Variants in MAGI1 observed in about 807,000 individuals in gnomAD.
The protein encoded by MAGI1 is membrane associated guanylate kinase, WW and PDZ domain containing 1.
MAGI1 carries 58 observed loss-of-function variants against 139.9 expected under a neutral mutation model. The observed-to-expected ratio is 0.41, with a 90% CI of 0.34 to 0.52. The LOEUF (loss-of-function observed/expected upper bound fraction) is 0.52, where lower values mean the gene tolerates loss of function less well. Among genes scored for constraint, MAGI1 ranks in the 20% least tolerant of loss-of-function variants. MAGI1 has a pLI of 0.12. For missense variants in MAGI1, 1,874 were observed against 1,901.6 expected, an observed-to-expected ratio of 0.99 and a Z score of 0.27; for synonymous variants, 812 against 737.9, an observed-to-expected ratio of 1.10 and a Z score of -1.63.
intron 2 of MAGI1, among the ~76,000 whole-genome samples, chr3:65,538,608 T>C (rs1208394099): frequency 6.6e-6 from 1 of 152,096 alleles, no homozygotes; most frequent in Non-Finnish European, 1.5e-5. Context: ...AAAAGAAGCC[T>C]GTAATTGAGC....
At chr3:65,639,313 T>C (rs1367208093) in intron 1 of MAGI1, among the ~76,000 whole-genome samples, 1 of 152,210 alleles carries the variant, frequency 6.6e-6, no homozygotes, top group Non-Finnish European at 1.5e-5. Flanking sequence ...AAATGTTCTA[T>C]GTTGAAATGA....
chr3:65,491,088 A>G (rs973714713), intron 3 of MAGI1, among the ~76,000 whole-genome samples: 1 of 152,104 alleles, frequency 6.6e-6, no homozygotes, highest in Non-Finnish European at 1.5e-5. Flanking sequence ...TACACCAGGA[A>G]GTTAGCTTCA....
At chr3:65,735,826 G>A (rs1482541356) in intron 1 of MAGI1, among the ~76,000 whole-genome samples, 2 of 152,118 alleles carry the variant, frequency 1.3e-5, no homozygotes, top group Non-Finnish European at 2.9e-5. Context: ...GTCCGCTGCC[G>A]CTCATTAAAT....
At chr3:66,020,126 CCT>C (rs1353774939) in intron 1 of MAGI1, among the ~76,000 whole-genome samples, 2 of 152,172 alleles carry the variant, frequency 1.3e-5, no homozygotes, top group Non-Finnish European at 2.9e-5. Flanking sequence ...CCCGTTTGCC[CCT>C]GTTATCCATC....
intron 1 of MAGI1, among the ~76,000 whole-genome samples, chr3:65,990,176 G>C (rs917639922): frequency 1.3e-5 from 2 of 152,054 alleles, no homozygotes; most frequent in African/African-American, 4.8e-5. Flanking sequence ...GGCAGGGGAG[G>C]GAAAGAAAGA....
intron 2 of MAGI1, among the ~76,000 whole-genome samples, chr3:65,582,548 C>T (rs774137450): frequency 3.9e-5 from 6 of 152,132 alleles, no homozygotes; most frequent in South Asian, 2.1e-4. Context: ...CATCAAAGAG[C>T]GGCTCTCTGA....
chr3:65,463,571 T>A (rs1233661087), intron 5 of MAGI1, among the ~76,000 whole-genome samples: 2 of 123,464 alleles, frequency 1.6e-5, no homozygotes. Context: ...TGTGTGTGTG[T>A]GTGTGTGTGT....
At chr3:65,683,657 G>GATATATATATATATATATATATATAT (rs377247002) in intron 1 of MAGI1, among the ~76,000 whole-genome samples, 5 of 86,428 alleles carry the variant, frequency 5.8e-5, no homozygotes, top group African/African-American at 1.7e-4. Flanking sequence ...GACTGAATAG[G>GATATATATATATATATATATATATAT]ATATATATAT....
At chr3:65,614,517 A>C (rs921686357) in intron 2 of MAGI1, among the ~76,000 whole-genome samples, 17 of 152,166 alleles carry the variant, frequency 1.1e-4, no homozygotes, top group African/African-American at 3.6e-4. Context: ...TGTTTAACAG[A>C]GTTCCTGACA....
At chr3:65,492,217 C>T (rs1478617662) in intron 3 of MAGI1, among the ~76,000 whole-genome samples, 1 of 152,324 alleles carries the variant, frequency 6.6e-6, no homozygotes, top group Admixed American at 6.5e-5. Context: ...AGTATCATTA[C>T]ACCACTTCTG....
At chr3:65,923,024 T>C (rs1194537116) in intron 1 of MAGI1, among the ~76,000 whole-genome samples, 1 of 152,170 alleles carries the variant, frequency 6.6e-6, no homozygotes, top group Non-Finnish European at 1.5e-5. Flanking sequence ...AATTATAGCT[T>C]CCCTTAGGGC....
intron 1 of MAGI1, among the ~76,000 whole-genome samples, chr3:65,964,515 C>A (rs1472393193): frequency 6.6e-6 from 1 of 150,844 alleles, no homozygotes; most frequent in Middle Eastern, 3.2e-3. Flanking sequence ...TTTTATACAT[C>A]TTGGGGGTAG....
At chr3:65,422,396 T>G (rs1946692165) in intron 12 of MAGI1, among the ~76,000 whole-genome samples, 1 of 152,140 alleles carries the variant, frequency 6.6e-6, no homozygotes. Flanking sequence ...CACACAGCTA[T>G]GGCAAACAAA....
At chr3:65,419,270 G>A (rs987143139) in intron 12 of MAGI1, among the ~76,000 whole-genome samples, 5 of 126,606 alleles carry the variant, frequency 3.9e-5, no homozygotes, top group Non-Finnish European at 8.6e-5. Context: ...GTTACAAATT[G>A]TATTTCCCAT....
chr3:65,656,948 C>A (rs2085908696), intron 1 of MAGI1, among the ~76,000 whole-genome samples: 1 of 138,836 alleles, frequency 7.2e-6, no homozygotes, highest in South Asian at 2.4e-4. Flanking sequence ...CCACTGCACT[C>A]CAGCCTGGGT....
At chr3:65,792,552 C>CTAGCTATA (rs1430031408) in intron 1 of MAGI1, among the ~76,000 whole-genome samples, 1 of 151,930 alleles carries the variant, frequency 6.6e-6, no homozygotes, top group East Asian at 1.9e-4. Flanking sequence ...ATTGTTATAG[C>CTAGCTATA]TAGCTATATA....
intron 22 of MAGI1, chr3:65,358,957 AG>A: frequency 2.0e-6 from 2 of 983,120 alleles, no homozygotes; most frequent in Non-Finnish European, 3.2e-6. Context: ...CAAAGAACGC[AG>A]GGTGCTCAGA....
intron 2 of MAGI1, among the ~76,000 whole-genome samples, chr3:65,531,118 A>G (rs1324538138): frequency 1.3e-5 from 2 of 152,018 alleles, no homozygotes; most frequent in Non-Finnish European, 2.9e-5. Context: ...TTCCTAGCAT[A>G]AGCAAAATCT....
chr3:65,494,250 G>T (rs1000208988), intron 2 of MAGI1, among the ~76,000 whole-genome samples: 2 of 152,162 alleles, frequency 1.3e-5, no homozygotes, highest in African/African-American at 4.8e-5. Context: ...TCTGACTAGG[G>T]AGAAAGGACG....
Sources: allele counts gnomAD v4.1 joint callset (sites outside exome capture counted in the v4.1 genomes callset), GRCh38; gene constraint gnomAD v4.1.1; transcripts MANE v1.5; gene names NCBI Gene and HGNC (gene_info 2026-07-23, HGNC 2026-07-21).